FHIP1A: variants seen among roughly 807,000 people sequenced by gnomAD.
FHIP1A encodes FHF complex subunit HOOK interacting protein 1A.
Under a neutral mutation model 88.6 loss-of-function variants are expected in FHIP1A, and 61 were observed. The observed-to-expected ratio is 0.69, with a 90% CI of 0.56 to 0.85. The LOEUF (loss-of-function observed/expected upper bound fraction) is 0.85. Ranked by LOEUF, FHIP1A falls within the 40% of genes least tolerant of loss-of-function variation. The probability of loss-of-function intolerance (pLI) is 0.00; values close to 1 mark genes in which losing one functional copy is unlikely to be tolerated. For missense variants in FHIP1A, 1,154 were observed against 1,273.5 expected, an observed-to-expected ratio of 0.91 and a Z score of 1.43; for synonymous variants, 478 against 496.0, an observed-to-expected ratio of 0.96 and a Z score of 0.48.
chr4:151,658,623 G>A (rs1737338814), intron 13 of FHIP1A, among the ~76,000 whole-genome samples: 3 of 152,230 alleles, frequency 2.0e-5, no homozygotes, highest in Admixed American at 1.3e-4. Flanking sequence ...GCAAGACAGA[G>A]GGCCAGCGCA....
At chr4:151,439,781 T>A (rs1431474272) in intron 1 of FHIP1A, among the ~76,000 whole-genome samples, 1 of 152,216 alleles carries the variant, frequency 6.6e-6, no homozygotes, top group Non-Finnish European at 1.5e-5. Flanking sequence ...CTCCACTCTC[T>A]GGGGAACTCA....
At chr4:151,445,940 T>TAATC (rs1201802396) in intron 1 of FHIP1A, among the ~76,000 whole-genome samples, 2 of 150,284 alleles carry the variant, frequency 1.3e-5, no homozygotes, top group Non-Finnish European at 3.0e-5. Context: ...TGTGTTTGTG[T>TAATC]AATCATATAA....
chr4:151,574,300 G>A (rs1733702990), intron 4 of FHIP1A, among the ~76,000 whole-genome samples: 3 of 152,160 alleles, frequency 2.0e-5, no homozygotes, highest in African/African-American at 7.2e-5. Flanking sequence ...ACTATAAAGA[G>A]GGTAAAGATG....
chr4:151,465,348 A>G (rs1294846162), intron 2 of FHIP1A, among the ~76,000 whole-genome samples: 1 of 152,232 alleles, frequency 6.6e-6, no homozygotes, highest in Non-Finnish European at 1.5e-5. Context: ...TGAAGAGACC[A>G]GTAACAAATT....
rs565366975 is a variant in FHIP1A at position 151,659,363 on chromosome 4, C to T, written c.2869+2465C>T. Among the ~76,000 whole-genome samples, 87 of 152,292 alleles carry T rather than the reference C, an allele frequency of 5.7e-4. 1 individual carries two copies. Among genetic ancestry groups the T allele is most frequent in the African/African-American group, 2.0e-3 (83 of 41,552 alleles). ...CTGACTTCTGAAGCATTTACTGTGACATGATTTCCTGTAAATGAGTCAAAT... is the reference window on the plus strand; with the variant it reads ...CTGACTTCTGAAGCATTTACTGTGATATGATTTCCTGTAAATGAGTCAAAT... On this transcript the variant is annotated intron_variant, in intron 13 of 13. Coordinates refer to ENST00000435205, the MANE Select transcript of FHIP1A (RefSeq NM_001109977.3).
At chr4:151,526,850 G>T (rs1454358690) in intron 3 of FHIP1A, among the ~76,000 whole-genome samples, 1 of 151,406 alleles carries the variant, frequency 6.6e-6, no homozygotes, top group Non-Finnish European at 1.5e-5. Context: ...TCTCAGATGG[G>T]GCGGCCGGGC....
intron 4 of FHIP1A, among the ~76,000 whole-genome samples, chr4:151,573,572 G>GT (rs936637749): frequency 4.6e-5 from 7 of 151,780 alleles, no homozygotes; most frequent in East Asian, 1.9e-4. Context: ...CATTAATTTT[G>GT]TTTTTTTTCT....
chr4:151,475,129 T>C (rs1015249809), intron 2 of FHIP1A, among the ~76,000 whole-genome samples: 1 of 152,214 alleles, frequency 6.6e-6, no homozygotes, highest in Non-Finnish European at 1.5e-5. Context: ...AGTTTTCTTA[T>C]GTGTAAAATA....
At chr4:151,568,002 G>A (rs1050080283) in intron 4 of FHIP1A, among the ~76,000 whole-genome samples, 8 of 152,044 alleles carry the variant, frequency 5.3e-5, no homozygotes, top group African/African-American at 1.7e-4. Context: ...AGTATTCTGT[G>A]CCACTTCCCA....
intron 3 of FHIP1A, among the ~76,000 whole-genome samples, chr4:151,490,425 G>C (rs1297447833): frequency 2.6e-5 from 4 of 152,144 alleles, no homozygotes; most frequent in Non-Finnish European, 5.9e-5. Flanking sequence ...ACTGCAGTCT[G>C]TTTCTCAGGA....
chr4:151,486,196 G>A (rs1730075965), intron 3 of FHIP1A, among the ~76,000 whole-genome samples: 1 of 152,256 alleles, frequency 6.6e-6, no homozygotes, highest in Middle Eastern at 3.4e-3. Context: ...TTGGTGGCTT[G>A]GTTCCTAACA....
At chr4:151,631,965 G>A (rs868815289) in intron 8 of FHIP1A, among the ~76,000 whole-genome samples, 1 of 152,124 alleles carries the variant, frequency 6.6e-6, no homozygotes, top group Non-Finnish European at 1.5e-5. Context: ...TATTTTAAAT[G>A]TGGATGGATT....
At chr4:151,483,336 C>T (rs1297734725) in intron 3 of FHIP1A, among the ~76,000 whole-genome samples, 1 of 151,626 alleles carries the variant, frequency 6.6e-6, no homozygotes, top group Non-Finnish European at 1.5e-5. Flanking sequence ...GCAATATTTC[C>T]CAAAGTGTTA....
chr4:151,572,343 T>A (rs1422556781), intron 4 of FHIP1A, among the ~76,000 whole-genome samples: 3 of 152,240 alleles, frequency 2.0e-5, no homozygotes, highest in Non-Finnish European at 2.9e-5. Context: ...ATTATTTGGA[T>A]CATTACTCAT....
chr4:151,499,749 A>T (rs1730584195), intron 3 of FHIP1A, among the ~76,000 whole-genome samples: 1 of 152,206 alleles, frequency 6.6e-6, no homozygotes, highest in Admixed American at 6.5e-5. Flanking sequence ...CCTTCTTCAC[A>T]TGATGGCAGG....
At chr4:151,500,863 T>C (rs1730625935) in intron 3 of FHIP1A, among the ~76,000 whole-genome samples, 1 of 152,212 alleles carries the variant, frequency 6.6e-6, no homozygotes, top group Admixed American at 6.5e-5. Flanking sequence ...ATTTTTCAGA[T>C]AGGTTACTCA....
intron 1 of FHIP1A, among the ~76,000 whole-genome samples, chr4:151,430,195 T>C (rs948584724): frequency 6.6e-6 from 1 of 152,210 alleles, no homozygotes; most frequent in Non-Finnish European, 1.5e-5. Context: ...AGGGATGTGT[T>C]TTACCTTCTT....
chr4:151,631,429 T>C (rs1560810163), intron 8 of FHIP1A, among the ~76,000 whole-genome samples: 1 of 152,026 alleles, frequency 6.6e-6, no homozygotes, highest in Admixed American at 6.6e-5. Context: ...TAAATAAATT[T>C]ATATCAAAAT....
chr4:151,614,910 CT>C (rs1225788783), intron 7 of FHIP1A, among the ~76,000 whole-genome samples: 14 of 152,260 alleles, frequency 9.2e-5, no homozygotes, highest in African/African-American at 2.4e-4. Flanking sequence ...TTTTTTCCCC[CT>C]CTTATCATTT....
Sources: allele counts gnomAD v4.1 joint callset (sites outside exome capture counted in the v4.1 genomes callset), GRCh38; gene constraint gnomAD v4.1.1; transcripts MANE v1.5; gene names NCBI Gene and HGNC (gene_info 2026-07-23, HGNC 2026-07-21).